The following PTPRD variants were observed in gnomAD, a reference collection of about 807,000 sequenced individuals.
The protein encoded by PTPRD is receptor-type tyrosine-protein phosphatase delta.
Under a neutral mutation model 214.5 loss-of-function variants are expected in PTPRD, and 34 were observed. The observed-to-expected ratio is 0.16, with a 90% CI of 0.12 to 0.21. The LOEUF (loss-of-function observed/expected upper bound fraction) is 0.21, where lower values mean the gene tolerates loss of function less well. Among genes scored for constraint, PTPRD ranks in the 10% least tolerant of loss-of-function variants. The pLI is 1.00. For synonymous variants in PTPRD, 1,128 were observed against 845.7 expected (o/e 1.33, Z -5.79); for missense variants, 2,545 against 2,398.7 (o/e 1.06, Z -1.27).
chr9:8,713,293 G>A (rs1001435873), intron 12 of PTPRD: 15 of 703,892 alleles, frequency 2.1e-5, no homozygotes, highest in Non-Finnish European at 3.8e-5. Flanking sequence ...GGGTGGCGGC[G>A]AGCGCGGAGA....
rs148270896 is a variant in PTPRD at position 9,233,780 on chromosome 9, A to G, written c.-202-50417T>C. 1.7e-3 allele frequency among the ~76,000 whole-genome samples: 257 copies of G among 152,304 alleles called. 3 individuals carry two copies. The highest frequency in any genetic ancestry group is 5.8e-3 in the African/African-American group (242 of 41,574). On this transcript the variant is annotated intron_variant, in intron 9 of 45. Transcript: ENST00000381196. ...TTAAAGTTCCAAAATGATCTCCTTAACGCCATGTCTCACATCCAGTTCATG... is the reference window on the plus strand; with the variant it reads ...TTAAAGTTCCAAAATGATCTCCTTAGCGCCATGTCTCACATCCAGTTCATG...
intron 9 of PTPRD, among the ~76,000 whole-genome samples, chr9:9,191,922 T>C (rs778365189): frequency 2.6e-5 from 4 of 152,080 alleles, no homozygotes; most frequent in Non-Finnish European, 5.9e-5. Flanking sequence ...AAAATTTGAT[T>C]TGCCCATTAA....
At chr9:9,611,543 G>C (rs139238874) in intron 7 of PTPRD, among the ~76,000 whole-genome samples, 1 of 151,918 alleles carries the variant, frequency 6.6e-6, no homozygotes, top group African/African-American at 2.4e-5. Context: ...AAAACATTTG[G>C]ATGTATCTAA....
chr9:9,781,873 A>G (rs1275471713), intron 5 of PTPRD, among the ~76,000 whole-genome samples: 1 of 151,538 alleles, frequency 6.6e-6, no homozygotes, highest in Non-Finnish European at 1.5e-5. Context: ...GCTCGCTGCA[A>G]GCTCCGCCTC....
intron 3 of PTPRD, among the ~76,000 whole-genome samples, chr9:10,143,616 T>C (rs1266510946): frequency 6.6e-6 from 1 of 152,128 alleles, no homozygotes; most frequent in East Asian, 1.9e-4. Context: ...GTATGTTCAT[T>C]GCAGCACCAT....
chr9:9,455,861 G>A (rs1205730350), intron 8 of PTPRD, among the ~76,000 whole-genome samples: 2 of 151,726 alleles, frequency 1.3e-5, no homozygotes, highest in Admixed American at 6.6e-5. Flanking sequence ...ACTAGAGCAG[G>A]GAAAGAGGGA....
chr9:10,000,620 G>C (rs950069884), intron 4 of PTPRD, among the ~76,000 whole-genome samples: 1 of 152,178 alleles, frequency 6.6e-6, no homozygotes. Context: ...GGCAGATATA[G>C]AGGGTAAAAG....
chr9:10,127,436 G>A (rs1484303289), intron 3 of PTPRD, among the ~76,000 whole-genome samples: 1 of 152,046 alleles, frequency 6.6e-6, no homozygotes, highest in Non-Finnish European at 1.5e-5. Flanking sequence ...CAACATCTTA[G>A]GTTGATCCTA....
At chr9:8,492,801 C>A in intron 27 of PTPRD, 61 bp downstream of exon 27, 1 of 1,233,614 alleles carries the variant, frequency 8.1e-7, no homozygotes, top group South Asian at 1.3e-5. Flanking sequence ...TAGAAGCTAC[C>A]TATACCATTT....
At chr9:10,038,240 C>G (rs537126052) in intron 3 of PTPRD, among the ~76,000 whole-genome samples, 1 of 152,088 alleles carries the variant, frequency 6.6e-6, no homozygotes, top group Non-Finnish European at 1.5e-5. Flanking sequence ...AGGACTTCAT[C>G]TTTAACATTT....
chr9:9,929,767 T>A (rs2085720544), intron 5 of PTPRD, among the ~76,000 whole-genome samples: 1 of 152,180 alleles, frequency 6.6e-6, no homozygotes, highest in Non-Finnish European at 1.5e-5. Flanking sequence ...AGGATGTCCC[T>A]AGGAAGTTTA....
chr9:8,781,572 A>G (rs1403349982), intron 11 of PTPRD, among the ~76,000 whole-genome samples: 2 of 152,184 alleles, frequency 1.3e-5, no homozygotes, highest in Non-Finnish European at 2.9e-5. Flanking sequence ...AAAATAAAGA[A>G]AGAGTCAAAC....
At chr9:10,376,235 T>C (rs1598432325) in intron 2 of PTPRD, among the ~76,000 whole-genome samples, 1 of 151,920 alleles carries the variant, frequency 6.6e-6, no homozygotes, top group Non-Finnish European at 1.5e-5. Context: ...ATTGCTGATA[T>C]GCTACCTGTT....
At chr9:8,884,114 G>A (rs1447642314) in intron 11 of PTPRD, among the ~76,000 whole-genome samples, 4 of 152,172 alleles carry the variant, frequency 2.6e-5, no homozygotes, top group African/African-American at 9.7e-5. Flanking sequence ...GAATATGAAA[G>A]CAGTCATTTA....
chr9:9,346,428 C>T (rs1202074824), intron 9 of PTPRD, among the ~76,000 whole-genome samples: 3 of 151,924 alleles, frequency 2.0e-5, no homozygotes, highest in Non-Finnish European at 4.4e-5. Flanking sequence ...AAGTTATTAC[C>T]ATAATAATTA....
intron 7 of PTPRD, among the ~76,000 whole-genome samples, chr9:9,588,372 A>G (rs376511523): frequency 6.6e-6 from 1 of 152,080 alleles, no homozygotes; most frequent in East Asian, 1.9e-4. Flanking sequence ...GCACATTTAG[A>G]TTGGTCATTC....
In PTPRD at chr9:9,536,260, C is replaced by G. The variant is rs16929666; in HGVS notation, c.-237+38472G>C. 5.9e-3 allele frequency among the ~76,000 whole-genome samples: 891 copies of G among 152,022 alleles called. 7 individuals are homozygous for G. Among genetic ancestry groups the G allele is most frequent in the African/African-American group, 0.021 (859 of 41,482 alleles). On this transcript the variant is annotated intron_variant, in intron 8 of 45. Transcript: ENST00000381196. ...CTTATTTGTGTTTCCATTCCCGGCCCGTACCTCAGTGCTTGGCTAAAGATT... is the reference window on the plus strand; with the variant it reads ...CTTATTTGTGTTTCCATTCCCGGCCGGTACCTCAGTGCTTGGCTAAAGATT...
intron 3 of PTPRD, among the ~76,000 whole-genome samples, chr9:10,052,690 T>C (rs1168351087): frequency 6.6e-6 from 1 of 151,860 alleles, no homozygotes; most frequent in East Asian, 1.9e-4. Context: ...CAAACATGAG[T>C]TTCTCATTCA....
At chr9:8,831,613 AATAAACCCT>A (rs1566445260) in intron 11 of PTPRD, among the ~76,000 whole-genome samples, 1 of 152,176 alleles carries the variant, frequency 6.6e-6, no homozygotes, top group Non-Finnish European at 1.5e-5. Context: ...ACAAATGTAT[AATAAACCCT>A]TTAAAATGTA....
Sources: allele counts gnomAD v4.1 joint callset (sites outside exome capture counted in the v4.1 genomes callset), GRCh38; gene constraint gnomAD v4.1.1; transcripts MANE v1.5; gene names NCBI Gene and HGNC (gene_info 2026-07-23, HGNC 2026-07-21).